Variants in NOS2 observed in about 807,000 individuals in gnomAD.
The protein encoded by NOS2 is nitric oxide synthase 2, also known as nitric oxide synthase, inducible.
A neutral mutation model predicts 136.0 loss-of-function variants in NOS2; 96 were observed. That is an observed-to-expected ratio of 0.71 (90% CI 0.60 to 0.84). The LOEUF (loss-of-function observed/expected upper bound fraction) is 0.84. Ranked by LOEUF, NOS2 falls within the 40% of genes least tolerant of loss-of-function variation. NOS2 has a pLI of 0.00. For synonymous variants in NOS2, 539 were observed against 587.5 expected, an observed-to-expected ratio of 0.92 and a Z score of 1.20; for missense variants, 1,237 against 1,496.9, an observed-to-expected ratio of 0.83 and a Z score of 2.87.
intron 16 of NOS2, 48 bp downstream of exon 16, chr17:27,769,487 T>G: frequency 6.5e-7 from 1 of 1,541,744 alleles, no homozygotes; most frequent in Non-Finnish European, 9.0e-7. Flanking sequence ...ACCCAGACTT[T>G]GGGTCCACAG....
rs559705649 is a variant in NOS2 at position 27,757,444 on chromosome 17, G to A, written c.3355-91C>T. The A allele has an allele frequency of 3.1e-5, 31 of 997,078 alleles. No homozygotes were observed. In the South Asian group the frequency reaches 3.3e-4, roughly 11 times the overall value. The allele number at this position is 997,078 out of a possible 1,614,324, so 61.8% of individuals were successfully genotyped here. On this transcript the variant is annotated intron_variant, in intron 26 of 26. Coordinates refer to ENST00000313735, the MANE Select transcript of NOS2 (RefSeq NM_000625.4). ...GCTTCCCTATCACATGGACCTTCATGAGCCATCTGTCTTCCCAACTGTTAT... is the reference window on the plus strand; with the variant it reads ...GCTTCCCTATCACATGGACCTTCATAAGCCATCTGTCTTCCCAACTGTTAT...
chr17:27,761,010 C>G, intron 23 of NOS2, 134 bp downstream of exon 23: 2 of 899,104 alleles, frequency 2.2e-6, no homozygotes, highest in Non-Finnish European at 3.3e-6. Flanking sequence ...GGCAGCCACA[C>G]CAGTGTGACC....
intron 20 of NOS2, 68 bp downstream of exon 20, chr17:27,765,467 C>T: frequency 7.0e-7 from 1 of 1,436,242 alleles, no homozygotes; most frequent in Non-Finnish European, 9.4e-7. Flanking sequence ...GGCCCAGGCT[C>T]AGCCCCTCAG....
chr17:27,767,932 A>G (rs1908361408), intron 17 of NOS2, 95 bp from the exon 18 acceptor site: 2 of 1,504,332 alleles, frequency 1.3e-6, no homozygotes, highest in African/African-American at 1.4e-5. Context: ...CCATGGGCCA[A>G]ACACTGAGCC....
At position 27,773,211 on chromosome 17, in the gene NOS2, G is replaced by T. The variant is rs201161495; in HGVS notation, c.1509C>A (p.Asp503Glu). ...VEAWKTHVWQ[D>E]EKRRPKRREI... Reference sequence around the variant, plus strand: ...CTCTTCTCTTGGGTCTCCGCTTCTCGTCCTGCCAGACATGGGTTTTCCAGG... The same window carrying T: ...CTCTTCTCTTGGGTCTCCGCTTCTCTTCCTGCCAGACATGGGTTTTCCAGG... The change falls in exon 13 of 27, where the codon GAC (aspartate) becomes GAA (glutamate). Residue 503 changes from aspartate to glutamate, a missense_variant. Coordinates refer to ENST00000313735, the MANE Select transcript of NOS2 (RefSeq NM_000625.4). 2.5e-5 allele frequency: 41 copies of T among 1,613,986 alleles called. No individual in the cohort carries two copies. In the East Asian group the frequency reaches 9.1e-4, roughly 36 times the overall value.
In NOS2 at chr17:27,782,968, C is replaced by T; in HGVS notation, c.606G>A (p.Gly202=). 6.2e-7 allele frequency: 1 copy of T among 1,614,166 alleles called. No individual in the cohort carries two copies. Among genetic ancestry groups the T allele is most frequent in the Non-Finnish European group, 8.5e-7 (1 of 1,180,032 alleles). ...CCTGCAGGTTGGACCACTGGATCCT[C>T]CCAATGCAGCGTGGGGCATTGCGCC... The part of the protein sequence containing the change: ...QAWRNAPRCI[G]RIQWSNLQVF... The change falls in exon 6 of 27, where the codon GGG becomes GGA. Residue 202 remains glycine (G), a synonymous_variant. Transcript: ENST00000313735.
chr17:27,772,491 G>A (rs748045530), intron 13 of NOS2, 39 bp from the exon 14 acceptor site: 1 of 1,608,008 alleles, frequency 6.2e-7, no homozygotes, highest in Non-Finnish European at 8.5e-7. Flanking sequence ...TGTGTGCTGA[G>A]TCAGCCTTCC....
chr17:27,780,312 C>T (rs188047792), intron 9 of NOS2, among the ~76,000 whole-genome samples: 2 of 152,310 alleles, frequency 1.3e-5, no homozygotes, highest in African/African-American at 2.4e-5. Context: ...AATCTCAATA[C>T]GCAGAGGTAT....
intron 7 of NOS2, among the ~76,000 whole-genome samples, chr17:27,781,539 A>G (rs1908849960): frequency 6.6e-6 from 1 of 150,596 alleles, no homozygotes; most frequent in South Asian, 2.1e-4. Context: ...ACCCCCCCAT[A>G]CCCCATCTTC....
chr17:27,787,590 A>G, intron 5 of NOS2, 88 bp downstream of exon 5: 1 of 1,020,264 alleles, frequency 9.8e-7, no homozygotes, highest in Non-Finnish European at 1.4e-6. Flanking sequence ...AAGAAAAGGG[A>G]TCTAGCTAGG....
Position 27,760,108 on chromosome 17 carries a change from C to G in NOS2, c.3081G>C (p.Glu1027Asp). ...CCTTCTGGGCCATCTCCAGCATCTC[C>G]TCCTGGTAGATGTGGTCCTCATCTG... ...RRPDEDHIYQ[E>D]EMLEMAQKGV... Residue 1027 changes from glutamate to aspartate, a missense_variant, in exon 25 of 27, where the codon GAG becomes GAC. This residue lies in a region of NOS2 where 782 missense variants were observed against 909.9 expected (regional missense o/e 0.86). Coordinates refer to ENST00000313735, the MANE Select transcript of NOS2 (RefSeq NM_000625.4). 5 of 1,607,406 alleles carry G rather than the reference C, an allele frequency of 3.1e-6. No homozygotes were observed. The South Asian group carries it at 4.4e-5, about 14-fold the overall frequency.
chr17:27,775,528 G>T (rs1908630973), intron 11 of NOS2, among the ~76,000 whole-genome samples: 1 of 152,160 alleles, frequency 6.6e-6, no homozygotes, highest in African/African-American at 2.4e-5. Context: ...CTTGAACCCG[G>T]GAGGCGGAGG....
rs776058843 is a variant in NOS2 at position 27,769,151 on chromosome 17, C to T, written c.1860G>A (p.Arg620=). ...TGGAGCCGAGGCCAAACACAGCGTA[C>T]CTGCCCGAGGACACACACAGAGACA... ...FMLKELNNKF[R]YAVFGLGSSM... is the part of the protein sequence containing the mutation. Residue 620 remains arginine, a splice_region_variant and synonymous_variant, in exon 17 of 27, where the codon AGG becomes AGA. Transcript: ENST00000313735. 5.6e-6 allele frequency: 9 copies of T among 1,606,942 alleles called. No homozygotes were observed. Among genetic ancestry groups the T allele is most frequent in the Non-Finnish European group, 7.6e-6 (9 of 1,178,188 alleles).
In NOS2 at chr17:27,757,047, G is replaced by T. The variant is rs1457339269; in HGVS notation, c.*199C>A. The T allele has an allele frequency of 2.2e-6, 1 of 463,294 alleles. No individual in the cohort carries two copies. The highest frequency in any genetic ancestry group is 3.5e-5 in the East Asian group (1 of 28,638). The allele number at this position is 463,294 out of a possible 1,614,324, so 28.7% of individuals were successfully genotyped here. A position where few individuals can be genotyped will look rare whatever the true frequency, so the allele number is the denominator to read the frequency against. On this transcript the variant is annotated 3_prime_UTR_variant, in exon 27 of 27. Coordinates refer to ENST00000313735, the MANE Select transcript of NOS2 (RefSeq NM_000625.4). ...CCAGGGAGGCCCCAGTTTGAGAGAG[G>T]AGGCTCCGATCAATCCAGGGTGCTA...
intron 2 of NOS2, chr17:27,793,877 G>A (rs1451236734): frequency 8.1e-6 from 3 of 369,062 alleles, no homozygotes; most frequent in East Asian, 7.9e-5. Flanking sequence ...CGGCGATCCC[G>A]GGACCCAAGC....
chr17:27,762,056 C>T (rs558361079), intron 22 of NOS2, among the ~76,000 whole-genome samples: 180 of 152,288 alleles, frequency 1.2e-3, no homozygotes, highest in Non-Finnish European at 1.9e-3. Flanking sequence ...TGCTCAGTTA[C>T]AGAGGGCAGG....
Position 27,771,010 on chromosome 17 carries a change from C to A in NOS2, c.1712G>T (p.Cys571Phe). 6.2e-7 allele frequency: 1 copy of A among 1,613,690 alleles called. No homozygotes were observed. The highest frequency in any genetic ancestry group is 8.5e-7 in the Non-Finnish European group (1 of 1,179,726). The change falls in exon 15 of 27, where the codon TGC becomes TTC. Residue 571 changes from cysteine (C) to phenylalanine (F), a missense_variant. Physicochemically the swap from Cys to Phe is radical, Grantham distance 205. Coordinates refer to ENST00000313735, the MANE Select transcript of NOS2 (RefSeq NM_000625.4). ...GCAGCTCAGCCTGTACTTATCCATG[C>A]AGACAACCTGGATGGCACCCAAGTG... is the stretch of plus-strand genomic sequence containing the variant. The part of the protein sequence containing the change: ...FSCAFNPKVV[C>F]MDKYRLSCLE...
rs765917165 is a variant in NOS2 at position 27,765,562 on chromosome 17, C to G, written c.2401G>C (p.Val801Leu). The G allele has an allele frequency of 1.9e-6, 3 of 1,608,608 alleles. No individual in the cohort carries two copies. The highest frequency in any genetic ancestry group is 1.3e-5 in the African/African-American group (1 of 74,912). Reference sequence around the variant, plus strand: ...CTCTCATCCAGGGCCTCCAGGCGCACTGTCTGGTGGGGTGTGGGGCCATCC... The same window carrying G: ...CTCTCATCCAGGGCCTCCAGGCGCAGTGTCTGGTGGGGTGTGGGGCCATCC... ...VVDGPTPHQT[V>L]RLEALDESGS... Residue 801 changes from valine (V) to leucine (L), a missense_variant, in exon 20 of 27, where the codon GTG (valine) becomes CTG (leucine). By Grantham distance (32) the Val-to-Leu change is conservative. Transcript: ENST00000313735.
intron 2 of NOS2, among the ~76,000 whole-genome samples, chr17:27,795,485 G>A (rs28998810): frequency 0.013 from 1,999 of 152,286 alleles, 19 homozygotes; most frequent in Non-Finnish European, 0.023. Flanking sequence ...TGAGCAGAAG[G>A]GTTTCATTGA....
Sources: allele counts gnomAD v4.1 joint callset (sites outside exome capture counted in the v4.1 genomes callset), GRCh38; gene constraint gnomAD v4.1.1; regional missense constraint gnomAD v4.1.1; transcripts MANE v1.5; gene names NCBI Gene and HGNC (gene_info 2026-07-23, HGNC 2026-07-21).